ARHGEF7: variants seen among roughly 807,000 people sequenced by gnomAD.
ARHGEF7 encodes Rho guanine nucleotide exchange factor 7, also known as PAK-interacting exchange factor beta.
ARHGEF7 carries 33 observed loss-of-function variants against 109.8 expected under a neutral mutation model. That is an observed-to-expected ratio of 0.30 (90% CI 0.23 to 0.40). ARHGEF7 has a LOEUF of 0.40. ARHGEF7 is among the 10% of genes least tolerant of loss of function. The pLI is 1.00. For missense variants in ARHGEF7, 938 were observed against 1,098.5 expected (o/e 0.85, Z 2.07); for synonymous variants, 458 against 424.6 (o/e 1.08, Z -0.97).
rs531402408 is a variant in ARHGEF7 at position 111,175,995 on chromosome 13, C to T, written c.252+22004C>T. On this transcript the variant is annotated intron_variant, in intron 2 of 21. Transcript: ENST00000646102. The stretch of plus-strand genomic sequence containing the variant: ...CAGATCTTGTGAGAACTCACTGTCA[C>T]GAGAAGAGCATGGAGGTAACTGCCC... Among the ~76,000 whole-genome samples, 8 of 152,218 alleles carry T rather than the reference C, an allele frequency of 5.3e-5. 1 individual carries two copies. The highest frequency in any genetic ancestry group is 9.6e-5 in the African/African-American group (4 of 41,520).
At chr13:111,150,998 G>A (rs1469555081) in intron 1 of ARHGEF7, among the ~76,000 whole-genome samples, 2 of 152,170 alleles carry the variant, frequency 1.3e-5, no homozygotes, top group Non-Finnish European at 2.9e-5. Context: ...CTGTTCTACC[G>A]CCAATGGACT....
chr13:111,201,659 C>T (rs2081224975), intron 2 of ARHGEF7, among the ~76,000 whole-genome samples: 1 of 152,176 alleles, frequency 6.6e-6, no homozygotes, highest in Admixed American at 6.5e-5. Context: ...ATTCCAGTTG[C>T]TGCTTCCTGT....
At chr13:111,283,036 A>T in intron 15 of ARHGEF7, 103 bp from the exon 16 acceptor site, 5 of 1,345,200 alleles carry the variant, frequency 3.7e-6, no homozygotes, top group Non-Finnish European at 5.1e-6. Context: ...TTTATTTCAC[A>T]TGGAGTGTTT....
intron 4 of ARHGEF7, among the ~76,000 whole-genome samples, chr13:111,214,554 G>A (rs1027261752): frequency 3.9e-4 from 59 of 152,310 alleles, no homozygotes; most frequent in African/African-American, 1.3e-3. Context: ...ATGGTGGTTT[G>A]CAAAAAGAGA....
intron 19 of ARHGEF7, chr13:111,295,282 A>G: frequency 1.2e-6 from 1 of 843,440 alleles, no homozygotes; most frequent in Non-Finnish European, 1.4e-6. Context: ...TGAACGGAAC[A>G]TCTTCCAAAG....
At chr13:111,188,207 A>G (rs2079470356) in intron 2 of ARHGEF7, among the ~76,000 whole-genome samples, 1 of 152,150 alleles carries the variant, frequency 6.6e-6, no homozygotes, top group African/African-American at 2.4e-5. Context: ...CTGTCTTGGT[A>G]GCACCTCCTC....
At chr13:111,154,282 G>A (rs1050661542) in intron 2 of ARHGEF7, among the ~76,000 whole-genome samples, 9 of 152,188 alleles carry the variant, frequency 5.9e-5, no homozygotes, top group Non-Finnish European at 1.3e-4. Flanking sequence ...TGGTGCAGGT[G>A]ACACACATTT....
At chr13:111,134,605 C>G (rs1381966666) in intron 1 of ARHGEF7, among the ~76,000 whole-genome samples, 21 of 152,302 alleles carry the variant, frequency 1.4e-4, no homozygotes, top group African/African-American at 4.8e-4. Flanking sequence ...TGAGAAGTGT[C>G]TGTTCATATC....
intron 2 of ARHGEF7, among the ~76,000 whole-genome samples, chr13:111,202,563 C>T (rs1013375890): frequency 6.6e-6 from 1 of 152,206 alleles, no homozygotes; most frequent in African/African-American, 2.4e-5. Context: ...ACTGCTAAAG[C>T]ACCCAGCAAG....
chr13:111,138,020 A>C (rs569897191), intron 1 of ARHGEF7, among the ~76,000 whole-genome samples: 23 of 152,334 alleles, frequency 1.5e-4, no homozygotes, highest in Non-Finnish European at 2.8e-4. Context: ...GCCAGTTCAA[A>C]AACACAGCTG....
At chr13:111,179,088 T>C (rs932259638) in intron 2 of ARHGEF7, among the ~76,000 whole-genome samples, 1 of 151,980 alleles carries the variant, frequency 6.6e-6, no homozygotes, top group African/African-American at 2.4e-5. Flanking sequence ...GTTCTTTTTT[T>C]TTTTTTTTGA....
intron 5 of ARHGEF7, among the ~76,000 whole-genome samples, chr13:111,225,076 A>G (rs1049478362): frequency 1.3e-5 from 2 of 152,036 alleles, no homozygotes; most frequent in Non-Finnish European, 2.9e-5. Context: ...GTGAAAGTGA[A>G]TATTTTCCTA....
intron 12 of ARHGEF7, 77 bp from the exon 13 acceptor site, chr13:111,277,510 T>C: frequency 1.1e-6 from 1 of 884,312 alleles, no homozygotes; most frequent in Admixed American, 1.9e-5. Context: ...CTAGTATAAA[T>C]AAGTGAAGTA....
chr13:111,153,866 G>T, intron 1 of ARHGEF7, 39 bp from the exon 2 acceptor site: 1 of 1,578,538 alleles, frequency 6.3e-7, no homozygotes. Context: ...CGTCCCCGCT[G>T]CCGGCCACGG....
chr13:111,153,840 T>TCGGC (rs2076066685), intron 1 of ARHGEF7, 65 bp from the exon 2 acceptor site: 1 of 1,555,612 alleles, frequency 6.4e-7, no homozygotes, highest in Non-Finnish European at 8.6e-7. Flanking sequence ...TGGGCGTCGC[T>TCGGC]CGGCCTTGTC....
chr13:111,133,809 AT>A (rs1555341565), intron 1 of ARHGEF7, among the ~76,000 whole-genome samples: 1,414 of 43,184 alleles, frequency 0.033, 131 homozygotes, highest in African/African-American at 0.038. Flanking sequence ...ATATATATAT[AT>A]ATATTTATTA....
chr13:111,251,514 G>C (rs958801516), intron 8 of ARHGEF7, among the ~76,000 whole-genome samples: 2 of 152,230 alleles, frequency 1.3e-5, no homozygotes, highest in Admixed American at 6.5e-5. Context: ...GGGTGGGGCA[G>C]AGGGCAGGAG....
In ARHGEF7 at chr13:111,272,496, A is replaced by C. The variant is rs1410360307; in HGVS notation, c.1074-1318A>C. 6.6e-6 allele frequency among the ~76,000 whole-genome samples: 1 copy of C among 152,224 alleles called. No individual in the cohort carries two copies. Among genetic ancestry groups the C allele is most frequent in the African/African-American group, 2.4e-5 (1 of 41,456 alleles). ...ATTTTAGGACATCGTTTACATAATGAGGATATAAAAGTATCTTTTCCTTTT... is the reference window on the plus strand; with the variant it reads ...ATTTTAGGACATCGTTTACATAATGCGGATATAAAAGTATCTTTTCCTTTT... On this transcript the variant is annotated intron_variant, in intron 9 of 21. Coordinates refer to ENST00000646102, the MANE Select transcript of ARHGEF7 (RefSeq NM_001354046.2). This position sits in a 1 kb window ranked among gnomAD's most constrained non-coding sequence, Gnocchi z 5.2.
intron 4 of ARHGEF7, 21 bp from the exon 5 acceptor site, chr13:111,217,658 C>T: frequency 6.2e-7 from 1 of 1,602,404 alleles, no homozygotes; most frequent in Non-Finnish European, 8.5e-7. Context: ...AATTTTTCTC[C>T]CACTCTTCTT....
Sources: allele counts gnomAD v4.1 joint callset (sites outside exome capture counted in the v4.1 genomes callset), GRCh38; gene constraint gnomAD v4.1.1; non-coding constraint Gnocchi (gnomAD v3.1); transcripts MANE v1.5; gene names NCBI Gene and HGNC (gene_info 2026-07-23, HGNC 2026-07-21).